Variants in ZNF276 observed in about 807,000 individuals in gnomAD.
ZNF276 encodes zinc finger protein 276, also known as centromere protein Z.
Under a neutral mutation model 63.9 loss-of-function variants are expected in ZNF276, and 59 were observed. That is an observed-to-expected ratio of 0.92 (90% CI 0.75 to 1.15). The LOEUF (loss-of-function observed/expected upper bound fraction) is 1.15, where lower values mean the gene tolerates loss of function less well. ZNF276 is among the 50% of genes most tolerant of loss of function. ZNF276 has a pLI of 0.00. For missense variants in ZNF276, 1,084 were observed against 843.8 expected (o/e 1.28, Z -3.53); for synonymous variants, 496 against 348.4 (o/e 1.42, Z -4.72).
In ZNF276 at chr16:89,734,825, C is replaced by T. The variant is rs181202484; in HGVS notation, c.1474+787C>T. 2.7e-3 allele frequency among the ~76,000 whole-genome samples: 415 copies of T among 152,274 alleles called. 1 individual carries two copies. The highest frequency in any genetic ancestry group is 9.6e-3 in the African/African-American group (400 of 41,564). The stretch of plus-strand genomic sequence containing the variant: ...CTTATTTTTCACAATTTCTATAATG[C>T]ACAAGTTACTTTTATAATCCAACAA... On this transcript the variant is annotated intron_variant, in intron 9 of 10. Coordinates refer to ENST00000443381, the MANE Select transcript of ZNF276 (RefSeq NM_001113525.2).
At chr16:89,732,830 CTG>C (rs35714761) in intron 6 of ZNF276, 7,371 of 215,920 alleles carry the variant, frequency 0.034, 632 homozygotes, top group African/African-American at 0.098. Context: ...CCTGACCCTG[CTG>C]TGTCCTGCGC....
At chr16:89,737,273 G>A (rs1053897444) in intron 9 of ZNF276, among the ~76,000 whole-genome samples, 2 of 152,122 alleles carry the variant, frequency 1.3e-5, no homozygotes, top group African/African-American at 4.8e-5. Flanking sequence ...TGTAATCCCA[G>A]CACTTTGGGA....
At chr16:89,727,517 A>C (rs1385273670) in intron 5 of ZNF276, among the ~76,000 whole-genome samples, 160 bp downstream of exon 5, 1 of 152,128 alleles carries the variant, frequency 6.6e-6, no homozygotes, top group Admixed American at 6.5e-5. Flanking sequence ...GCTGGTACCA[A>C]ACTAAGCCAT....
In ZNF276 at chr16:89,721,685, C is replaced by T. The variant is rs559483913; in HGVS notation, c.45C>T (p.Ser15=). ...RLGRFLSPGS[S]RQCGASDGGG... is the part of the protein sequence containing the mutation. ...GCCGCTTCCTGTCTCCTGGGTCGTC[C>T]CGACAGTGCGGGGCCTCGGACGGCG... Residue 15 remains serine, a synonymous_variant, in exon 1 of 11, where the codon TCC becomes TCT. Coordinates refer to ENST00000443381, the MANE Select transcript of ZNF276 (RefSeq NM_001113525.2). The T allele has an allele frequency of 2.2e-5, 31 of 1,427,214 alleles. No individual in the cohort carries two copies. In the South Asian group the frequency reaches 3.9e-4, roughly 18 times the overall value. The allele number at this position is 1,427,214 out of a possible 1,614,324, so 88.4% of individuals were successfully genotyped here.
chr16:89,722,460 T>A (rs1227390369), intron 1 of ZNF276, 71 bp from the exon 2 acceptor site: 1 of 1,502,180 alleles, frequency 6.7e-7, no homozygotes, highest in Non-Finnish European at 8.9e-7. Context: ...CCCTCGGACC[T>A]GGAGTCCGGG....
chr16:89,722,858 A>C lies in ZNF276; in HGVS notation c.509+24A>C, dbSNP rs778177952. 15 of 1,591,752 alleles carry C rather than the reference A, an allele frequency of 9.4e-6. No homozygotes were observed. The East Asian group carries it at 3.1e-4, about 33-fold the overall frequency. ...AAGTACGCCCTAGTCTGTTCAGAGCACGTTCAGGCTGTCAGTACTGCAGTG... is the reference window on the plus strand; with the variant it reads ...AAGTACGCCCTAGTCTGTTCAGAGCCCGTTCAGGCTGTCAGTACTGCAGTG... On this transcript the variant is annotated intron_variant, in intron 2 of 10. Transcript: ENST00000443381.
chr16:89,729,634 C>A (rs1046154481), intron 6 of ZNF276, among the ~76,000 whole-genome samples: 2 of 152,176 alleles, frequency 1.3e-5, no homozygotes, highest in African/African-American at 4.8e-5. Flanking sequence ...GAGGCTCTTA[C>A]GTCCCTTCTG....
Position 89,727,296 on chromosome 16 carries a change from C to T in ZNF276, c.1024C>T (p.Gln342Ter), listed in dbSNP as rs2061498204. 2 of 1,614,056 alleles carry T rather than the reference C, an allele frequency of 1.2e-6. No individual in the cohort carries two copies. Among genetic ancestry groups the T allele is most frequent in the Admixed American group, 1.7e-5 (1 of 59,998 alleles). Residue 342 changes from glutamine (Q) to a stop codon, truncating the protein, a stop_gained, in exon 5 of 11, where the codon CAG (glutamine) becomes TAG (stop). Transcript: ENST00000443381. LOFTEE classifies it high-confidence loss of function. ...TTTCTCAGGGCAGTTGGGTGAGAAG[C>T]AGCTTCCATCTTCAACCTCGGATGA... ...CRAPGQLGEK[Q>*]LPSSTSDDRV... is the part of the protein sequence containing the mutation.
intron 9 of ZNF276, among the ~76,000 whole-genome samples, chr16:89,734,246 C>G (rs902066996): frequency 3.3e-5 from 5 of 152,228 alleles, no homozygotes; most frequent in African/African-American, 1.2e-4. Context: ...GAAGGAATTC[C>G]TGACTTCCCC....
rs779242247 is a variant in ZNF276, at chr16:89,740,138, C to G, written c.*1892C>G. Reference sequence around the variant, plus strand: ...GAGACCAACCCTGAGAATGGCCGACCTGGTGCTCCCATGGGTAGGAGGGTA... The same window carrying G: ...GAGACCAACCCTGAGAATGGCCGACGTGGTGCTCCCATGGGTAGGAGGGTA... On this transcript the variant is annotated 3_prime_UTR_variant, in exon 11 of 11. Transcript: ENST00000443381. 1.3e-6 allele frequency: 2 copies of G among 1,531,898 alleles called. No individual in the cohort carries two copies. Among genetic ancestry groups the G allele is most frequent in the Non-Finnish European group, 1.8e-6 (2 of 1,106,040 alleles). The allele number at this position is 1,531,898 out of a possible 1,614,324, so 94.9% of individuals were successfully genotyped here. A position where few individuals can be genotyped will look rare whatever the true frequency, so the allele number is the denominator to read the frequency against.
In ZNF276 at chr16:89,723,663, G is replaced by A. The variant is rs761301837; in HGVS notation, c.960G>A (p.Arg320=). 5 of 1,612,188 alleles carry A rather than the reference G, an allele frequency of 3.1e-6. No individual in the cohort carries two copies. The highest frequency in any genetic ancestry group is 1.7e-5 in the Admixed American group (1 of 59,986). ...CGGACAGCGACGCGGTGGGGCCCAG[G>A]TCGGGCTTCCCACCTCAGCCAAGCC... is the stretch of plus-strand genomic sequence containing the variant. ...PPSDSDAVGP[R]SGFPPQPSLP... is the part of the protein sequence containing the mutation. The change falls in exon 4 of 11, where the codon AGG becomes AGA. Residue 320 remains arginine, a synonymous_variant. Transcript: ENST00000443381.
chr16:89,736,153 A>C (rs1363640561), intron 9 of ZNF276, among the ~76,000 whole-genome samples: 2 of 151,900 alleles, frequency 1.3e-5, no homozygotes, highest in Non-Finnish European at 2.9e-5. Flanking sequence ...GGCCTCCCGA[A>C]GTGCTGGGAT....
rs559873825 is a variant in ZNF276, at chr16:89,723,527, G to A, written c.824G>A (p.Arg275Gln). Residue 275 changes from arginine to glutamine, a missense_variant, in exon 4 of 11, where the codon CGA becomes CAA. Coordinates refer to ENST00000443381, the MANE Select transcript of ZNF276 (RefSeq NM_001113525.2). ...ACGGCGCCACGGCTGCCCCAGCACCGAGGGTGGAACCCTGGGGATGCCCCT... is the reference window on the plus strand; with the variant it reads ...ACGGCGCCACGGCTGCCCCAGCACCAAGGGTGGAACCCTGGGGATGCCCCT... ...KETAPRLPQH[R>Q]GWNPGDAPQT... The A allele has an allele frequency of 2.3e-5, 37 of 1,612,840 alleles. No individual in the cohort carries two copies. The highest frequency in any genetic ancestry group is 1.1e-4 in the African/African-American group (8 of 75,068).
rs139141471 is a variant in ZNF276 at position 89,723,369 on chromosome 16, C to T, written c.666C>T (p.Ser222=). 26 of 1,612,920 alleles carry T rather than the reference C, an allele frequency of 1.6e-5. No individual in the cohort carries two copies. The highest frequency in any genetic ancestry group is 1.6e-4 in the African/African-American group (12 of 74,954). The change falls in exon 4 of 11, where the codon TCC becomes TCT. Residue 222 remains serine (S), a synonymous_variant. Transcript: ENST00000443381. ...CCCACCTTCAGAGGACACTGTCCTCCGAGTACTGCGGCGTCATCCAGGTCG... is the reference window on the plus strand; with the variant it reads ...CCCACCTTCAGAGGACACTGTCCTCTGAGTACTGCGGCGTCATCCAGGTCG... ...ALPHLQRTLS[S]EYCGVIQVVW...
At chr16:89,727,393 C>A in intron 5 of ZNF276, 36 bp downstream of exon 5, 1 of 1,601,538 alleles carries the variant, frequency 6.2e-7, no homozygotes, top group South Asian at 1.1e-5. Flanking sequence ...CCTAAAATTT[C>A]TCCTTCAAAA....
At chr16:89,737,519 T>C (rs1231252295) in intron 9 of ZNF276, 3 of 408,256 alleles carry the variant, frequency 7.3e-6, no homozygotes, top group Admixed American at 4.3e-5. Context: ...AAACTCCATC[T>C]CAAAAAAAAA....
intron 6 of ZNF276, among the ~76,000 whole-genome samples, chr16:89,731,321 T>C (rs928682296): frequency 6.6e-6 from 1 of 152,250 alleles, no homozygotes; most frequent in African/African-American, 2.4e-5. Flanking sequence ...TGGCACGATC[T>C]TGGCTCACTG....
intron 9 of ZNF276, 35 bp downstream of exon 9, chr16:89,734,073 C>T (rs769330524): frequency 5.6e-6 from 9 of 1,594,780 alleles, no homozygotes; most frequent in South Asian, 2.2e-5. Context: ...ACGCGGGTGA[C>T]AGCCAGGGGC....
chr16:89,733,413 G>A lies in ZNF276; in HGVS notation c.1280+1G>A, dbSNP rs749604660. On this transcript the variant is annotated splice_donor_variant, in intron 7 of 10. Coordinates refer to ENST00000443381, the MANE Select transcript of ZNF276 (RefSeq NM_001113525.2). LOFTEE classifies it high-confidence loss of function. ...GGAAGAAGAAGCTTCGTTGTGAGAG[G>A]TGATGCCTGCAACGCGAGGCTCGCC... 2 of 1,614,178 alleles carry A rather than the reference G, an allele frequency of 1.2e-6. No individual in the cohort carries two copies. Among genetic ancestry groups the A allele is most frequent in the Non-Finnish European group, 8.5e-7 (1 of 1,180,050 alleles).
Sources: allele counts gnomAD v4.1 joint callset (sites outside exome capture counted in the v4.1 genomes callset), GRCh38; gene constraint gnomAD v4.1.1; transcripts MANE v1.5; gene names NCBI Gene and HGNC (gene_info 2026-07-23, HGNC 2026-07-21).